Variants in XYLB observed in about 807,000 individuals in gnomAD.
XYLB encodes xylulokinase.
Under a neutral mutation model 78.7 loss-of-function variants are expected in XYLB, and 62 were observed. The observed-to-expected ratio is 0.79, with a 90% CI of 0.64 to 0.97. The LOEUF is 0.97. Among genes scored for constraint, XYLB ranks in the 50% least tolerant of loss-of-function variants. XYLB has a pLI of 0.00. For synonymous variants in XYLB, 245 were observed against 247.4 expected, an observed-to-expected ratio of 0.99 and a Z score of 0.09; for missense variants, 687 against 676.8, an observed-to-expected ratio of 1.02 and a Z score of -0.17.
intron 5 of XYLB, 136 bp from the exon 6 acceptor site, chr3:38,365,472 C>T: frequency 6.8e-7 from 1 of 1,465,896 alleles, no homozygotes; most frequent in Non-Finnish European, 9.2e-7. Flanking sequence ...AAAGGGCTGG[C>T]CCATGTGTCT....
chr3:38,411,349 G>A (rs1220541708), intron 18 of XYLB, among the ~76,000 whole-genome samples: 2 of 151,794 alleles, frequency 1.3e-5, no homozygotes, highest in Non-Finnish European at 1.5e-5. Context: ...ATGGACACAG[G>A]AAGGGGAACA....
At chr3:38,404,273 C>T (rs925911831) in intron 18 of XYLB, among the ~76,000 whole-genome samples, 3 of 152,188 alleles carry the variant, frequency 2.0e-5, no homozygotes, top group Non-Finnish European at 2.9e-5. Context: ...GGTCTATTCC[C>T]AAGTACTTCA....
At chr3:38,446,759 A>G in the XYLB span, among the ~76,000 whole-genome samples, 1 of 152,182 alleles carries the variant, frequency 6.6e-6, no homozygotes, top group Non-Finnish European at 1.5e-5. Flanking sequence ...ACCATATACA[A>G]AAACCAAATC....
chr3:38,359,624 A>C (rs748630860), intron 2 of XYLB, among the ~76,000 whole-genome samples: 3 of 152,174 alleles, frequency 2.0e-5, no homozygotes, highest in Non-Finnish European at 4.4e-5. Context: ...ACCACGATTT[A>C]TCTGTTCACT....
At chr3:38,370,880 A>T (rs1003349006) in intron 9 of XYLB, among the ~76,000 whole-genome samples, 3 of 151,852 alleles carry the variant, frequency 2.0e-5, no homozygotes, top group Non-Finnish European at 4.4e-5. Flanking sequence ...ACAGTGGAGT[A>T]GAGAGAGAGA....
intron 9 of XYLB, among the ~76,000 whole-genome samples, chr3:38,371,984 C>A (rs761597224): frequency 6.6e-6 from 1 of 152,140 alleles, no homozygotes; most frequent in Non-Finnish European, 1.5e-5. Context: ...TTGCCTTGTG[C>A]GAGAACACAT....
At chr3:38,411,908 A>C (rs1301194769) in intron 18 of XYLB, among the ~76,000 whole-genome samples, 6 of 151,914 alleles carry the variant, frequency 3.9e-5, no homozygotes, top group African/African-American at 1.5e-4. Flanking sequence ...AAGTTGTTAC[A>C]GGAGATACTT....
intron 15 of XYLB, among the ~76,000 whole-genome samples, chr3:38,392,521 T>C (rs962785554): frequency 2.0e-5 from 3 of 152,118 alleles, no homozygotes; most frequent in Admixed American, 2.0e-4. Context: ...GATCTCAAAC[T>C]CCTGACCTCA....
intron 15 of XYLB, 108 bp downstream of exon 15, chr3:38,379,450 G>T (rs1416169605): frequency 1.8e-6 from 2 of 1,098,828 alleles, no homozygotes; most frequent in Non-Finnish European, 2.7e-6. Flanking sequence ...TCTTACAGGG[G>T]GACTTGTGCA....
chr3:38,348,571 G>A lies in XYLB; in HGVS notation c.79G>A (p.Ala27Thr). 1 of 1,614,170 alleles carries A rather than the reference G, an allele frequency of 6.2e-7. No homozygotes were observed. The highest frequency in any genetic ancestry group is 1.6e-4 in the Middle Eastern group (1 of 6,062). The change falls in exon 2 of 19, where the codon GCA becomes ACA. Residue 27 changes from alanine (A) to threonine (T), a missense_variant. Coordinates refer to ENST00000207870, the MANE Select transcript of XYLB (RefSeq NM_005108.4). ...TCAGGTAAAGGTTGTTGCTGTTGATGCAGAGTTGAATGTCTTCTATGAGGA... is the reference window on the plus strand; with the variant it reads ...TCAGGTAAAGGTTGTTGCTGTTGATACAGAGTTGAATGTCTTCTATGAGGA... ...TQQVKVVAVDAELNVFYEESV... is the reference protein window; with the variant it reads ...TQQVKVVAVDTELNVFYEESV...
At chr3:38,373,737 C>T (rs1706697055) in intron 10 of XYLB, among the ~76,000 whole-genome samples, 1 of 152,226 alleles carries the variant, frequency 6.6e-6, no homozygotes, top group Non-Finnish European at 1.5e-5. Context: ...TTTGAGTGCA[C>T]CTGTTCCTCA....
At chr3:38,388,698 T>C (rs1575511099) in intron 15 of XYLB, among the ~76,000 whole-genome samples, 3 of 152,216 alleles carry the variant, frequency 2.0e-5, no homozygotes, top group South Asian at 2.1e-4. Context: ...GCAATTGTTA[T>C]GTTATATCCA....
chr3:38,348,447 C>T (rs1281981284), intron 1 of XYLB, 103 bp from the exon 2 acceptor site: 2 of 1,083,538 alleles, frequency 1.8e-6, no homozygotes, highest in Admixed American at 1.9e-5. Context: ...CTAGGTTGAA[C>T]TGCTCCTAGG....
intron 18 of XYLB, among the ~76,000 whole-genome samples, chr3:38,406,765 C>T (rs1708340027): frequency 1.3e-5 from 2 of 152,050 alleles, no homozygotes; most frequent in African/African-American, 4.8e-5. Context: ...ATGCGATCAG[C>T]TGGAAGAAAG....
At chr3:38,349,129 C>T (rs909586555) in intron 2 of XYLB, among the ~76,000 whole-genome samples, 1 of 152,128 alleles carries the variant, frequency 6.6e-6, no homozygotes. Flanking sequence ...GTTAGCCAAG[C>T]GATGGAAGGG....
chr3:38,371,635 G>A (rs948913148), intron 9 of XYLB, among the ~76,000 whole-genome samples: 7 of 152,086 alleles, frequency 4.6e-5, no homozygotes, highest in Non-Finnish European at 1.0e-4. Flanking sequence ...GGGCAATTCT[G>A]CCTCAGTCTC....
intron 4 of XYLB, among the ~76,000 whole-genome samples, chr3:38,364,949 T>C (rs1069097): frequency 0.89 from 136,048 of 152,298 alleles, 61,359 homozygotes; most frequent in East Asian, 1. Flanking sequence ...CAAAAGGCAT[T>C]AAAATCCAGA....
chr3:38,379,542 G>A (rs1707044816), intron 15 of XYLB, among the ~76,000 whole-genome samples, 200 bp downstream of exon 15: 1 of 152,236 alleles, frequency 6.6e-6, no homozygotes, highest in African/African-American at 2.4e-5. Context: ...ATAGCAGACA[G>A]GTTGTTCCCG....
chr3:38,387,750 A>G (rs1707450444), intron 15 of XYLB, among the ~76,000 whole-genome samples: 1 of 152,186 alleles, frequency 6.6e-6, no homozygotes, highest in South Asian at 2.1e-4. Context: ...TCCATCTAAC[A>G]AATTCATTTT....
Sources: gnomAD v4.1 joint callset for allele counts (sites outside exome capture counted in the v4.1 genomes callset) on GRCh38, gnomAD v4.1.1 for gene constraint, MANE v1.5 for transcripts, NCBI Gene and HGNC (gene_info 2026-07-23, HGNC 2026-07-21) for gene names.